The following RBMS3 variants were observed in gnomAD, a reference collection of about 807,000 sequenced individuals.
RBMS3 encodes RNA binding motif single stranded interacting protein 3.
RBMS3 carries 27 observed loss-of-function variants against 66.8 expected under a neutral mutation model. That is an observed-to-expected ratio of 0.40 (90% CI 0.30 to 0.56). RBMS3 has a LOEUF of 0.56. Ranked by LOEUF, RBMS3 falls within the 20% of genes least tolerant of loss-of-function variation. The probability of loss-of-function intolerance (pLI) is 0.40; values close to 1 mark genes in which losing one functional copy is unlikely to be tolerated. For synonymous variants in RBMS3, 188 were observed against 183.0 expected (o/e 1.03, Z -0.22); for missense variants, 513 against 549.5 (o/e 0.93, Z 0.66).
chr3:29,641,520 A>G (rs2049712757), intron 4 of RBMS3, among the ~76,000 whole-genome samples: 1 of 152,070 alleles, frequency 6.6e-6, no homozygotes, highest in Non-Finnish European at 1.5e-5. Context: ...TGCCTTCCAG[A>G]ATGTTTGTGC....
rs530699136 is a variant in RBMS3, at chr3:29,864,822, G to A, written c.638-4036G>A. Among the ~76,000 whole-genome samples the A allele has an allele frequency of 4.1e-5, 5 of 120,832 alleles. No homozygotes were observed. The South Asian group carries it at 1.2e-3, about 30-fold the overall frequency. The allele number at this position is 120,832 out of a possible 152,430, so 79.3% of individuals were successfully genotyped here. ...CAGAAATGTAAAAGAAAGGAAGGAAGGAAGGGAAGGGAAGGGAAGGGAAGG... is the reference window on the plus strand; with the variant it reads ...CAGAAATGTAAAAGAAAGGAAGGAAAGAAGGGAAGGGAAGGGAAGGGAAGG... On this transcript the variant is annotated intron_variant, in intron 6 of 14. Coordinates refer to ENST00000383767, the MANE Select transcript of RBMS3 (RefSeq NM_001003793.3).
intron 14 of RBMS3, among the ~76,000 whole-genome samples, chr3:29,998,708 G>A (rs1285401963): frequency 6.6e-6 from 1 of 152,154 alleles, no homozygotes; most frequent in East Asian, 1.9e-4. Context: ...AAACTGGCTA[G>A]CCATATGTAG....
chr3:29,472,410 G>A (rs1055095400), intron 2 of RBMS3, among the ~76,000 whole-genome samples: 1 of 152,050 alleles, frequency 6.6e-6, no homozygotes, highest in Non-Finnish European at 1.5e-5. Context: ...TGATCAGACT[G>A]GTCTTGAACT....
At chr3:29,637,344 CCCA>C (rs1190109584) in intron 4 of RBMS3, among the ~76,000 whole-genome samples, 1 of 151,742 alleles carries the variant, frequency 6.6e-6, no homozygotes, top group Non-Finnish European at 1.5e-5. Context: ...ATATGCTCTA[CCCA>C]CCACCACCTC....
intron 2 of RBMS3, among the ~76,000 whole-genome samples, chr3:29,451,084 G>C (rs961350621): frequency 6.6e-6 from 1 of 152,152 alleles, no homozygotes; most frequent in Admixed American, 6.5e-5. Context: ...CTAACACTTT[G>C]TGTCAACAAA....
chr3:29,309,304 G>A (rs1168143677), intron 1 of RBMS3, among the ~76,000 whole-genome samples: 2 of 151,776 alleles, frequency 1.3e-5, no homozygotes, highest in Non-Finnish European at 2.9e-5. Context: ...GGAAGTGTGT[G>A]TTAGTCTGTC....
chr3:29,772,234 A>G (rs1279284742), intron 6 of RBMS3, among the ~76,000 whole-genome samples: 1 of 152,024 alleles, frequency 6.6e-6, no homozygotes, highest in East Asian at 1.9e-4. Context: ...TAGCCCAGTG[A>G]GATCTGTGTT....
intron 1 of RBMS3, among the ~76,000 whole-genome samples, chr3:29,393,356 A>T (rs555051770): frequency 6.6e-6 from 1 of 152,346 alleles, no homozygotes; most frequent in Non-Finnish European, 1.5e-5. Context: ...AAATTTTTAT[A>T]AATACAGTAC....
intron 6 of RBMS3, among the ~76,000 whole-genome samples, chr3:29,858,983 A>G (rs964030167): frequency 6.6e-5 from 10 of 152,198 alleles, no homozygotes; most frequent in African/African-American, 2.4e-4. Flanking sequence ...GCTATTTCAC[A>G]TAGCACAGAA....
At chr3:29,302,182 A>T (rs2033720128) in intron 1 of RBMS3, among the ~76,000 whole-genome samples, 2 of 151,734 alleles carry the variant, frequency 1.3e-5, no homozygotes, top group Admixed American at 1.3e-4. Context: ...TCCAATTTTT[A>T]AAAATTTTCT....
At chr3:29,654,105 G>T (rs1358960678) in intron 4 of RBMS3, among the ~76,000 whole-genome samples, 2 of 152,080 alleles carry the variant, frequency 1.3e-5, no homozygotes, top group Non-Finnish European at 2.9e-5. Flanking sequence ...TATTTAGCTG[G>T]CACTTCTGCC....
At chr3:29,431,306 T>TTTTTTA (rs1575796060) in intron 1 of RBMS3, among the ~76,000 whole-genome samples, 1 of 148,618 alleles carries the variant, frequency 6.7e-6, no homozygotes, top group East Asian at 2.0e-4. Context: ...CTTTTCTTTT[T>TTTTTTA]TTTTTTTGAC....
intron 1 of RBMS3, among the ~76,000 whole-genome samples, chr3:29,383,243 A>T (rs1476301798): frequency 6.6e-6 from 1 of 152,232 alleles, no homozygotes; most frequent in African/African-American, 2.4e-5. Context: ...ATGTTTTTTG[A>T]TCATAAGAAT....
intron 10 of RBMS3, among the ~76,000 whole-genome samples, chr3:29,931,508 T>G (rs972212541): frequency 5.9e-5 from 9 of 152,220 alleles, no homozygotes; most frequent in African/African-American, 1.9e-4. Flanking sequence ...ACTGCACTAC[T>G]ACGTTGGTTG....
At chr3:29,586,974 A>T in intron 3 of RBMS3, 140 bp from the exon 4 acceptor site, 1 of 578,372 alleles carries the variant, frequency 1.7e-6, no homozygotes, top group Non-Finnish European at 3.0e-6. Context: ...AAGGACCACT[A>T]ATCTAAGAGC....
intron 3 of RBMS3, among the ~76,000 whole-genome samples, chr3:29,519,331 T>G (rs560795332): frequency 6.6e-6 from 1 of 152,252 alleles, no homozygotes; most frequent in Non-Finnish European, 1.5e-5. Context: ...CAAGAAGGGT[T>G]AGAAAGGCAC....
At chr3:29,888,511 T>G (rs1169789448) in intron 8 of RBMS3, among the ~76,000 whole-genome samples, 2 of 151,654 alleles carry the variant, frequency 1.3e-5, no homozygotes, top group African/African-American at 2.4e-5. Context: ...TCTCACTTTC[T>G]TTCTTCTCTC....
intron 12 of RBMS3, among the ~76,000 whole-genome samples, chr3:29,955,425 C>A (rs957742943): frequency 9.9e-5 from 15 of 151,942 alleles, no homozygotes; most frequent in Non-Finnish European, 2.9e-5. Context: ...CCACTCATAC[C>A]TTTCAGAACC....
intron 14 of RBMS3, among the ~76,000 whole-genome samples, chr3:29,997,039 AAAG>A (rs1209012362): frequency 2.0e-5 from 3 of 151,502 alleles, no homozygotes; most frequent in Non-Finnish European, 2.9e-5. Context: ...ATAAAGAAAA[AAAG>A]AGAGAAGAAT....
Sources: allele counts gnomAD v4.1 joint callset (sites outside exome capture counted in the v4.1 genomes callset), GRCh38; gene constraint gnomAD v4.1.1; transcripts MANE v1.5; gene names NCBI Gene and HGNC (gene_info 2026-07-23, HGNC 2026-07-21).